The following DOCK7 variants were observed in gnomAD, a reference collection of about 807,000 sequenced individuals.
The protein encoded by DOCK7 is dedicator of cytokinesis protein 7.
Under a neutral mutation model 271.0 loss-of-function variants are expected in DOCK7, and 138 were observed. The observed-to-expected ratio is 0.51, with a 90% CI of 0.44 to 0.59. The LOEUF is 0.59. DOCK7 is among the 20% of genes least tolerant of loss of function. The pLI, the probability that DOCK7 is intolerant of heterozygous loss-of-function variation, is 0.00. For synonymous variants in DOCK7, 823 were observed against 876.1 expected (o/e 0.94, Z 1.07); for missense variants, 2,066 against 2,592.4 (o/e 0.80, Z 4.41).
intron 1 of DOCK7, among the ~76,000 whole-genome samples, chr1:62,673,406 C>G (rs1435549075): frequency 2.0e-5 from 3 of 152,138 alleles, no homozygotes; most frequent in Non-Finnish European, 4.4e-5. Context: ...CCATATAAAT[C>G]TCAGTTTCAT....
chr1:62,646,043 G>A (rs1571888212), intron 7 of DOCK7, among the ~76,000 whole-genome samples: 1 of 151,582 alleles, frequency 6.6e-6, no homozygotes, highest in Non-Finnish European at 1.5e-5. Context: ...GCTACTCAGG[G>A]GGCTGAGGCA....
intron 14 of DOCK7, chr1:62,606,104 A>G (rs1210279550): frequency 1.3e-5 from 2 of 152,026 alleles, no homozygotes; most frequent in African/African-American, 4.8e-5. Context: ...GTGAATCCTA[A>G]GTAAATATTT....
intron 27 of DOCK7, 104 bp from the exon 28 acceptor site, chr1:62,538,165 C>T (rs1461039646): frequency 7.8e-7 from 1 of 1,286,440 alleles, no homozygotes; most frequent in Non-Finnish European, 1.0e-6. Context: ...TACTTGGTAT[C>T]CAGTTTGGGT....
intron 49 of DOCK7, among the ~76,000 whole-genome samples, chr1:62,457,314 A>T (rs1247939062): frequency 6.6e-6 from 1 of 152,204 alleles, no homozygotes; most frequent in Non-Finnish European, 1.5e-5. Context: ...TTAAGCGCTG[A>T]CATGATGCTC....
At chr1:62,526,944 A>T (rs1645028405) in intron 31 of DOCK7, among the ~76,000 whole-genome samples, 1 of 152,176 alleles carries the variant, frequency 6.6e-6, no homozygotes, top group Non-Finnish European at 1.5e-5. Context: ...AGGTATAAGG[A>T]ATCTTTTCAG....
chr1:62,565,278 T>G (rs546328090), intron 18 of DOCK7, among the ~76,000 whole-genome samples: 5 of 151,890 alleles, frequency 3.3e-5, no homozygotes, highest in Non-Finnish European at 7.4e-5. Context: ...GAAAAGAAAA[T>G]ATCCCTGATC....
At chr1:62,488,845 G>A (rs1646373479) in intron 42 of DOCK7, 89 bp downstream of exon 42, 1 of 1,524,162 alleles carries the variant, frequency 6.6e-7, no homozygotes, top group Admixed American at 1.7e-5. Context: ...TCATTTCACG[G>A]GATCTAGTTT....
chr1:62,675,520 C>T (rs111471346), intron 1 of DOCK7, among the ~76,000 whole-genome samples: 107 of 152,304 alleles, frequency 7.0e-4, no homozygotes, highest in African/African-American at 2.1e-3. Flanking sequence ...CGATGGCTCA[C>T]TCCGGTAATC....
At chr1:62,653,910 G>T in intron 3 of DOCK7, 74 bp downstream of exon 3, 1 of 1,533,652 alleles carries the variant, frequency 6.5e-7, no homozygotes, top group Non-Finnish European at 8.9e-7. Flanking sequence ...TAAGAAGTAG[G>T]CTCTAAATAA....
intron 14 of DOCK7, among the ~76,000 whole-genome samples, chr1:62,594,057 T>C (rs1648859333): frequency 6.6e-6 from 1 of 152,176 alleles, no homozygotes; most frequent in Non-Finnish European, 1.5e-5. Context: ...TATTGGTTCC[T>C]AGGAACTAGG....
chr1:62,475,623 A>G (rs1645947926), intron 46 of DOCK7, 84 bp downstream of exon 46: 3 of 1,304,848 alleles, frequency 2.3e-6, no homozygotes, highest in Non-Finnish European at 3.3e-6. Flanking sequence ...GGGATGGTAC[A>G]TATCTTCTGG....
Position 62,663,047 on chromosome 1 carries a change from C to T in DOCK7, c.122G>A (p.Gly41Asp). The T allele has an allele frequency of 6.2e-7, 1 of 1,612,104 alleles. No individual in the cohort carries two copies. The change falls in exon 2 of 50, where the codon GGC becomes GAC. Residue 41 changes from glycine (G) to aspartate (D), a missense_variant. Gly to Asp is a moderately conservative substitution (Grantham distance 94). Coordinates refer to ENST00000635253, the MANE Select transcript of DOCK7 (RefSeq NM_001367561.1). ...TACTGTGGTGTGATGGGATATATTG[C>T]CAACAATATTAAGGTTTTTGAGCAG... ...PQLLKNLNIVGNISHHTTVPL... is the reference protein window; with the variant it reads ...PQLLKNLNIVDNISHHTTVPL...
chr1:62,541,482 C>T (rs1307491475), intron 25 of DOCK7, among the ~76,000 whole-genome samples: 1 of 152,118 alleles, frequency 6.6e-6, no homozygotes, highest in Non-Finnish European at 1.5e-5. Context: ...AAAACCAACC[C>T]CTCCTCTTCA....
chr1:62,557,266 A>G (rs1463658960), intron 20 of DOCK7, among the ~76,000 whole-genome samples: 2 of 151,838 alleles, frequency 1.3e-5, no homozygotes, highest in Non-Finnish European at 2.9e-5. Context: ...CTCCAAAGGA[A>G]GTAGTGCCCT....
intron 1 of DOCK7, 24 bp from the exon 2 acceptor site, chr1:62,663,154 T>C (rs764978644): frequency 2.7e-6 from 4 of 1,482,368 alleles, no homozygotes; most frequent in South Asian, 2.5e-5. Context: ...AGCAAAAACA[T>C]ACGCATTATT....
intron 10 of DOCK7, among the ~76,000 whole-genome samples, chr1:62,632,718 T>G (rs1451567078): frequency 6.6e-6 from 1 of 152,238 alleles, no homozygotes. Flanking sequence ...GGCTCACATC[T>G]GTAATCCCAG....
intron 40 of DOCK7, 105 bp downstream of exon 40, chr1:62,494,170 T>C (rs936950024): frequency 9.7e-7 from 1 of 1,034,084 alleles, no homozygotes; most frequent in Non-Finnish European, 1.4e-6. Flanking sequence ...TTGGCTTAAG[T>C]CTTTAAGCTT....
At chr1:62,667,933 T>C (rs985785108) in intron 1 of DOCK7, among the ~76,000 whole-genome samples, 2 of 151,966 alleles carry the variant, frequency 1.3e-5, no homozygotes, top group Admixed American at 6.6e-5. Flanking sequence ...GGCAGGGGAA[T>C]TGCTTGAACC....
chr1:62,529,321 A>G lies in DOCK7; in HGVS notation c.3737T>C (p.Ile1246Thr), dbSNP rs1430048666. ...ARVAMLYLPL[I>T]GIIMETVPQL... is the part of the protein sequence containing the mutation. ...AGGTACAGTTTCCATGATAATACCAATCAGAGGTAGATACAACATGGCCAC... is the reference window on the plus strand; with the variant it reads ...AGGTACAGTTTCCATGATAATACCAGTCAGAGGTAGATACAACATGGCCAC... The change falls in exon 30 of 50, where the codon ATT becomes ACT. Residue 1246 changes from isoleucine (I) to threonine (T), a missense_variant. Ile to Thr is a moderately conservative substitution (Grantham distance 89, BLOSUM62 -1). This residue lies in a region of DOCK7 where 1,414 missense variants were observed against 1,670.4 expected (regional missense o/e 0.85). Coordinates refer to ENST00000635253, the MANE Select transcript of DOCK7 (RefSeq NM_001367561.1). The G allele has an allele frequency of 6.2e-7, 1 of 1,613,020 alleles. No individual in the cohort carries two copies. Among genetic ancestry groups the G allele is most frequent in the African/African-American group, 1.3e-5 (1 of 74,988 alleles).
Sources: gnomAD v4.1 joint callset for allele counts (sites outside exome capture counted in the v4.1 genomes callset) on GRCh38, gnomAD v4.1.1 for gene constraint, gnomAD v4.1.1 regional missense constraint, MANE v1.5 for transcripts, NCBI Gene and HGNC (gene_info 2026-07-23, HGNC 2026-07-21) for gene names.